ANTXR1: variants seen among roughly 807,000 people sequenced by gnomAD.
ANTXR1 encodes anthrax toxin receptor 1.
A neutral mutation model predicts 78.1 loss-of-function variants in ANTXR1; 19 were observed. The observed-to-expected ratio is 0.24, with a 90% confidence interval of 0.17 to 0.36. The LOEUF (loss-of-function observed/expected upper bound fraction) is 0.36. Among genes scored for constraint, ANTXR1 ranks in the 10% least tolerant of loss-of-function variants. ANTXR1 has a pLI of 1.00. For missense variants in ANTXR1, 518 were observed against 718.6 expected, an observed-to-expected ratio of 0.72 and a Z score of 3.19; for synonymous variants, 273 against 260.5, an observed-to-expected ratio of 1.05 and a Z score of -0.46.
chr2:69,182,298 T>C (rs1008736501), intron 15 of ANTXR1, among the ~76,000 whole-genome samples, 195 bp from the exon 16 acceptor site: 4 of 152,242 alleles, frequency 2.6e-5, no homozygotes, highest in Admixed American at 6.5e-5. Context: ...TCCACCCATG[T>C]GGCTCAGCTC....
rs56154212 is a variant in ANTXR1 at position 69,098,983 on chromosome 2, C to CTAAATAAATAAATAAATAAATAAA, written c.704-3847_704-3846insTAAATAAATAAATAAATAAATAAA. ...CCTAGGTGATAGAGTGAGACTGCGT[C>CTAAATAAATAAATAAATAAATAAA]TAAATAAATAAAGTACAATTCAGTG... is the stretch of plus-strand genomic sequence containing the variant. On this transcript the variant is annotated intron_variant, in intron 9 of 17. Coordinates refer to ENST00000303714, the MANE Select transcript of ANTXR1 (RefSeq NM_032208.3). Among the ~76,000 whole-genome samples the CTAAATAAATAAATAAATAAATAAA allele has an allele frequency of 5.5e-4, 83 of 151,712 alleles. No homozygotes were observed. The Middle Eastern group carries it at 0.01, about 19-fold the overall frequency.
At chr2:69,133,723 T>C (rs1417063481) in intron 12 of ANTXR1, among the ~76,000 whole-genome samples, 3 of 152,186 alleles carry the variant, frequency 2.0e-5, no homozygotes, top group Non-Finnish European at 4.4e-5. Context: ...ATCCACAGCA[T>C]TGGGGCTACA....
intron 10 of ANTXR1, among the ~76,000 whole-genome samples, chr2:69,117,165 C>T (rs1420283960): frequency 6.6e-6 from 1 of 152,216 alleles, no homozygotes. Context: ...CCAGCCTTGC[C>T]CATTGAAGAT....
At chr2:69,162,850 A>G (rs1673716910) in intron 13 of ANTXR1, among the ~76,000 whole-genome samples, 1 of 152,152 alleles carries the variant, frequency 6.6e-6, no homozygotes, top group South Asian at 2.1e-4. Flanking sequence ...CATGAAAATA[A>G]TAGGACTAAT....
intron 12 of ANTXR1, chr2:69,145,369 T>G (rs745751552): frequency 1.3e-6 from 2 of 1,598,972 alleles, no homozygotes; most frequent in Admixed American, 3.4e-5. Flanking sequence ...GCTGCTTGCA[T>G]GGAATAGCAG....
intron 9 of ANTXR1, among the ~76,000 whole-genome samples, chr2:69,099,898 A>G (rs889318945): frequency 6.6e-6 from 1 of 152,252 alleles, no homozygotes; most frequent in Non-Finnish European, 1.5e-5. Flanking sequence ...TTCAGAAGAA[A>G]TAGAAATCTT....
chr2:69,225,964 A>C (rs937974124), intron 17 of ANTXR1, among the ~76,000 whole-genome samples: 2 of 152,174 alleles, frequency 1.3e-5, no homozygotes, highest in Non-Finnish European at 2.9e-5. Flanking sequence ...CTTTTTGCTT[A>C]TTCATAATTT....
At chr2:69,070,813 T>C in intron 4 of ANTXR1, 85 bp downstream of exon 4, 4 of 1,274,096 alleles carry the variant, frequency 3.1e-6, no homozygotes, top group Non-Finnish European at 4.5e-6. Context: ...AAGGCACTTA[T>C]ATTAAGAGGG....
chr2:69,153,606 C>A (rs1056461224), intron 13 of ANTXR1, among the ~76,000 whole-genome samples: 2 of 152,084 alleles, frequency 1.3e-5, no homozygotes, highest in Non-Finnish European at 2.9e-5. Flanking sequence ...TTTAAGGCTG[C>A]AAAACCATTT....
chr2:69,094,514 T>A (rs1671337516), intron 9 of ANTXR1, among the ~76,000 whole-genome samples: 1 of 152,248 alleles, frequency 6.6e-6, no homozygotes, highest in African/African-American at 2.4e-5. Context: ...AAACTTTGCC[T>A]TCATCGAAAA....
chr2:69,040,173 C>A, intron 2 of ANTXR1, 58 bp downstream of exon 2: 2 of 1,462,346 alleles, frequency 1.4e-6, no homozygotes, highest in South Asian at 1.1e-5. Flanking sequence ...TCAAACTAGT[C>A]CATGTTTGCT....
intron 9 of ANTXR1, among the ~76,000 whole-genome samples, chr2:69,096,103 A>G (rs113832078): frequency 0.016 from 2,464 of 151,916 alleles, 63 homozygotes; most frequent in African/African-American, 0.055. Flanking sequence ...CTAAAAATAC[A>G]AAAAATGAGC....
At chr2:69,110,045 A>G (rs1197349141) in intron 10 of ANTXR1, among the ~76,000 whole-genome samples, 2 of 152,234 alleles carry the variant, frequency 1.3e-5, no homozygotes, top group African/African-American at 2.4e-5. Flanking sequence ...TAATAAGCAT[A>G]TAGAAAATGT....
At position 69,030,049 on chromosome 2, in the gene ANTXR1, C is replaced by T. The variant is rs1160099504; in HGVS notation, c.153-9995C>T. 2.0e-5 allele frequency among the ~76,000 whole-genome samples: 3 copies of T among 152,202 alleles called. No individual in the cohort carries two copies. In the East Asian group the frequency reaches 5.8e-4, roughly 29 times the overall value. ...TCCTCTTTTCTTCCAAGTCCACCTT[C>T]TGGGTAGCAAGAGGGAGGGAAATCC... On this transcript the variant is annotated intron_variant, in intron 1 of 17. Coordinates refer to ENST00000303714, the MANE Select transcript of ANTXR1 (RefSeq NM_032208.3).
intron 13 of ANTXR1, among the ~76,000 whole-genome samples, chr2:69,166,572 A>C (rs1014477660): frequency 6.6e-6 from 1 of 152,216 alleles, no homozygotes; most frequent in Non-Finnish European, 1.5e-5. Flanking sequence ...TAGCCTGCAG[A>C]GTAGAAATGT....
chr2:69,023,350 T>G (rs536064229), intron 1 of ANTXR1, among the ~76,000 whole-genome samples: 1 of 151,408 alleles, frequency 6.6e-6, no homozygotes, highest in East Asian at 1.9e-4. Flanking sequence ...TAGTGGTGAT[T>G]ATGGCAATGT....
At chr2:69,219,095 G>T (rs1675249447) in intron 17 of ANTXR1, among the ~76,000 whole-genome samples, 1 of 152,122 alleles carries the variant, frequency 6.6e-6, no homozygotes, top group South Asian at 2.1e-4. Context: ...TAAGACCCAA[G>T]GTCATAACCT....
At chr2:69,240,535 A>G (rs2104531459) in intron 17 of ANTXR1, among the ~76,000 whole-genome samples, 1 of 152,350 alleles carries the variant, frequency 6.6e-6, no homozygotes, top group African/African-American at 2.4e-5. Flanking sequence ...ATGGGGAATC[A>G]CTGAAGAATT....
intron 9 of ANTXR1, among the ~76,000 whole-genome samples, chr2:69,096,283 AGGAAGGG>A (rs1671403946): frequency 1.9e-3 from 4 of 2,140 alleles, no homozygotes; most frequent in Non-Finnish European, 3.5e-3. Context: ...GAAGGAAGGA[AGGAAGGG>A]AGGAAGGGAG....
Sources: allele counts gnomAD v4.1 joint callset (sites outside exome capture counted in the v4.1 genomes callset), GRCh38; gene constraint gnomAD v4.1.1; transcripts MANE v1.5; gene names NCBI Gene and HGNC (gene_info 2026-07-23, HGNC 2026-07-21).